Variants in RYR3 observed in about 807,000 individuals in gnomAD.
RYR3 encodes ryanodine receptor 3, also known as brain ryanodine receptor-calcium release channel.
A neutral mutation model predicts 584.3 loss-of-function variants in RYR3; 207 were observed. That is an observed-to-expected ratio of 0.35 (90% confidence interval 0.32 to 0.40). RYR3 has a LOEUF of 0.40. Ranked by LOEUF, RYR3 falls within the 10% of genes least tolerant of loss-of-function variation. RYR3 has a pLI of 1.00. For missense variants in RYR3, 5,616 were observed against 6,089.2 expected (o/e 0.92, Z 2.59); for synonymous variants, 2,416 against 2,248.5 (o/e 1.07, Z -2.11).
chr15:33,860,783 C>T, intron 101 of RYR3, 124 bp downstream of exon 101: 2 of 791,142 alleles, frequency 2.5e-6, no homozygotes, highest in East Asian at 2.7e-5. Context: ...AGTTTGTTTT[C>T]CATGCCCTGT....
At chr15:33,748,616 A>G (rs767876768) in intron 55 of RYR3, 86 bp downstream of exon 55, 67 of 1,126,020 alleles carry the variant, frequency 6.0e-5, no homozygotes, top group Non-Finnish European at 7.9e-5. Flanking sequence ...AAAGGGAAAG[A>G]ATGCCTAGAA....
chr15:33,725,197 A>ACG (rs1409200238), intron 45 of RYR3, among the ~76,000 whole-genome samples: 4 of 144,526 alleles, frequency 2.8e-5, no homozygotes, highest in African/African-American at 1.0e-4. Context: ...ACACACACAC[A>ACG]CACACATATA....
At chr15:33,534,350 G>A (rs954425725) in intron 5 of RYR3, among the ~76,000 whole-genome samples, 3 of 152,200 alleles carry the variant, frequency 2.0e-5, no homozygotes, top group African/African-American at 7.2e-5. Context: ...GCAGTGAGCC[G>A]AGATCGCACC....
At position 33,522,092 on chromosome 15, in the gene RYR3, T is replaced by TAAAA. The variant is rs36044198; in HGVS notation, c.280-8482_280-8479dup. On this transcript the variant is annotated intron_variant, in intron 3 of 103. Transcript: ENST00000634891. ...AATATGGCAAAACCCCATCTCTACT[T>TAAAA]AAAAAAAAAAAAAAAAAAAAACTAG... Among the ~76,000 whole-genome samples the TAAAA allele has an allele frequency of 4.1e-4, 47 of 114,752 alleles. No individual in the cohort carries two copies. In the South Asian group the frequency reaches 9.3e-3, roughly 23 times the overall value. The allele number at this position is 114,752 out of a possible 152,430, so 75.3% of individuals were successfully genotyped here.
intron 1 of RYR3, among the ~76,000 whole-genome samples, chr15:33,449,201 T>G (rs902886203): frequency 6.6e-6 from 1 of 152,176 alleles, no homozygotes; most frequent in African/African-American, 2.4e-5. Context: ...GTGCGGGCTG[T>G]GGTCACCTTA....
rs146400682 is a variant in RYR3, at chr15:33,621,407, A to G, written c.2358-2400A>G. Among the ~76,000 whole-genome samples the G allele has an allele frequency of 6.6e-5, 10 of 152,354 alleles. No homozygotes were observed. In the East Asian group the frequency reaches 1.9e-3, roughly 29 times the overall value. ...TCCAATTTTATCCCATGGTTTCCATATGTCAGTACACAATCTGTTATGTTG... is the reference window on the plus strand; with the variant it reads ...TCCAATTTTATCCCATGGTTTCCATGTGTCAGTACACAATCTGTTATGTTG... On this transcript the variant is annotated intron_variant, in intron 19 of 103. Coordinates refer to ENST00000634891, the MANE Select transcript of RYR3 (RefSeq NM_001036.6).
At chr15:33,472,728 G>A (rs915189336) in intron 1 of RYR3, among the ~76,000 whole-genome samples, 9 of 152,070 alleles carry the variant, frequency 5.9e-5, no homozygotes, top group Non-Finnish European at 8.8e-5. Context: ...TTTTAGGAGG[G>A]CTGCTTTTGG....
chr15:33,649,562 G>A (rs2062336770), intron 31 of RYR3, among the ~76,000 whole-genome samples: 1 of 152,156 alleles, frequency 6.6e-6, no homozygotes, highest in African/African-American at 2.4e-5. Context: ...ACAAGACAGA[G>A]AAAATCTCTG....
intron 1 of RYR3, among the ~76,000 whole-genome samples, chr15:33,466,964 C>T (rs1361733681): frequency 1.3e-5 from 2 of 152,156 alleles, no homozygotes; most frequent in Non-Finnish European, 2.9e-5. Flanking sequence ...AGTAAACGAC[C>T]TTGTCATTCA....
chr15:33,647,892 A>G (rs993841670), intron 30 of RYR3, among the ~76,000 whole-genome samples: 2 of 151,526 alleles, frequency 1.3e-5, no homozygotes, highest in African/African-American at 4.8e-5. Context: ...GCAAGAAGCC[A>G]TCGCAGAAGA....
intron 18 of RYR3, among the ~76,000 whole-genome samples, chr15:33,604,949 T>A (rs1048404022): frequency 6.6e-6 from 1 of 152,174 alleles, no homozygotes; most frequent in Non-Finnish European, 1.5e-5. Flanking sequence ...AAAAATTGTT[T>A]CACACTCCTG....
chr15:33,659,865 G>A, intron 33 of RYR3, 59 bp downstream of exon 33: 1 of 1,192,290 alleles, frequency 8.4e-7, no homozygotes, highest in Non-Finnish European at 1.2e-6. Context: ...CTAACCATTA[G>A]GGGGAAAATC....
intron 10 of RYR3, among the ~76,000 whole-genome samples, chr15:33,556,775 C>G (rs1366980265): frequency 6.6e-6 from 1 of 151,458 alleles, no homozygotes; most frequent in Non-Finnish European, 1.5e-5. Flanking sequence ...TTGCCCTTCA[C>G]TCCTCTCTCC....
chr15:33,711,849 GC>G (rs1183284882), intron 43 of RYR3, among the ~76,000 whole-genome samples: 2 of 152,070 alleles, frequency 1.3e-5, no homozygotes, highest in Non-Finnish European at 2.9e-5. Flanking sequence ...TTCAATCTCT[GC>G]CACCTACCCA....
chr15:33,446,751 A>G (rs1006370214), intron 1 of RYR3, among the ~76,000 whole-genome samples: 1 of 152,250 alleles, frequency 6.6e-6, no homozygotes, highest in Non-Finnish European at 1.5e-5. Context: ...AGTTCAGCCC[A>G]TAATAGTATC....
chr15:33,377,029 G>T (rs1437812919), intron 1 of RYR3, among the ~76,000 whole-genome samples: 1 of 152,176 alleles, frequency 6.6e-6, no homozygotes, highest in Admixed American at 6.6e-5. Context: ...TGGTAGAAAC[G>T]ATGTAACCCT....
intron 1 of RYR3, among the ~76,000 whole-genome samples, chr15:33,361,468 G>A (rs1179965501): frequency 3.3e-5 from 5 of 152,158 alleles, no homozygotes; most frequent in Non-Finnish European, 7.4e-5. Flanking sequence ...ATACCAATAG[G>A]ATAAAGGAAG....
chr15:33,817,363 T>C (rs1472928014), intron 75 of RYR3, among the ~76,000 whole-genome samples: 1 of 152,180 alleles, frequency 6.6e-6, no homozygotes, highest in African/African-American at 2.4e-5. Flanking sequence ...TACATTTCTA[T>C]ATTTGGCCTT....
chr15:33,662,988 C>A, intron 35 of RYR3, 40 bp downstream of exon 35: 1 of 1,523,472 alleles, frequency 6.6e-7, no homozygotes, highest in South Asian at 1.2e-5. Context: ...GTTAATAGAT[C>A]TTCTGCTTTG....
Sources: gnomAD v4.1 joint callset for allele counts (sites outside exome capture counted in the v4.1 genomes callset) on GRCh38, gnomAD v4.1.1 for gene constraint, MANE v1.5 for transcripts, NCBI Gene and HGNC (gene_info 2026-07-23, HGNC 2026-07-21) for gene names.